Variants in RBM14 observed in about 807,000 individuals in gnomAD.
The protein encoded by RBM14 is RNA binding motif protein 14.
A neutral mutation model predicts 52.8 loss-of-function variants in RBM14; 5 were observed. That is an observed-to-expected ratio of 0.09 (90% CI 0.05 to 0.20). The LOEUF is 0.20. RBM14 is among the 10% of genes least tolerant of loss of function. The pLI is 1.00. For synonymous variants in RBM14, 411 were observed against 401.8 expected (o/e 1.02, Z -0.28); for missense variants, 780 against 926.6 (o/e 0.84, Z 2.05).
In RBM14 at chr11:66,624,433, A is replaced by T; in HGVS notation, c.557A>T (p.Asp186Val). The T allele has an allele frequency of 6.2e-7, 1 of 1,614,068 alleles. No homozygotes were observed. Among genetic ancestry groups the T allele is most frequent in the Non-Finnish European group, 8.5e-7 (1 of 1,179,960 alleles). Residue 186 changes from aspartate (D) to valine (V), a missense_variant, in exon 2 of 3, where the codon GAC becomes GTC. By Grantham distance (152) the Asp-to-Val change is radical. This residue lies in a region of RBM14 where 675 missense variants were observed against 697.3 expected (regional missense o/e 0.97). Coordinates refer to ENST00000310137, the MANE Select transcript of RBM14 (RefSeq NM_006328.4). This position sits in a 1 kb window ranked among gnomAD's most constrained non-coding sequence, Gnocchi z 4.7. The part of the protein sequence containing the change: ...PGTGGFSATF[D>V]YQQAFGNSTG... ...ACTGGTGGCTTCTCTGCCACCTTCG[A>T]CTACCAGCAGGCTTTTGGCAACAGC...
In RBM14 at chr11:66,625,376, C is replaced by T. The variant is rs778362886; in HGVS notation, c.1500C>T (p.Ala500=). ...SAAAATGSYG[A]AAAYGAQPSA... is the part of the protein sequence containing the mutation. ...CTGCGGCCACTGGCTCCTATGGTGCCGCAGCAGCCTACGGGGCCCAACCTT... is the reference window on the plus strand; with the variant it reads ...CTGCGGCCACTGGCTCCTATGGTGCTGCAGCAGCCTACGGGGCCCAACCTT... The change falls in exon 2 of 3, where the codon GCC becomes GCT. Residue 500 remains alanine, a synonymous_variant. Transcript: ENST00000310137. This position sits in a 1 kb window ranked among gnomAD's most constrained non-coding sequence, Gnocchi z 4.2. The T allele has an allele frequency of 1.7e-5, 28 of 1,611,288 alleles. No homozygotes were observed. The Admixed American group carries it at 3.0e-4, about 17-fold the overall frequency.
chr11:66,617,485 A>AAG (rs1858892828), intron 1 of RBM14: 2 of 1,007,898 alleles, frequency 2.0e-6, no homozygotes, highest in East Asian at 1.0e-4. Context: ...GAAGAGGGAA[A>AAG]AGGTGGGGGC....
At position 66,627,930 on chromosome 11, in the gene RBM14, G is replaced by A. The variant is rs1002690589; in HGVS notation, c.*1262G>A. ...TGGCCATAGAGCTCGTATTTTGCCT[G>A]TTGAGCTGTACCATGGAGCATCCTC... On this transcript the variant is annotated 3_prime_UTR_variant, in exon 3 of 3. Transcript: ENST00000310137. Among the ~76,000 whole-genome samples, 29 of 152,176 alleles carry A rather than the reference G, an allele frequency of 1.9e-4. No homozygotes were observed. The highest frequency in any genetic ancestry group is 3.2e-4 in the Non-Finnish European group (22 of 68,040).
chr11:66,616,889 G>T lies in RBM14; in HGVS notation c.169G>T (p.Gly57Cys). ...GALRAIEALHGHELRPGRALV... is the reference protein window; with the variant it reads ...GALRAIEALHCHELRPGRALV... ...GCTGCGCGCCATCGAAGCCCTGCAC[G>T]GCCACGAGCTGCGGCCGGGGCGCGC... The change falls in exon 1 of 3, where the codon GGC (glycine) becomes TGC (cysteine). Residue 57 changes from glycine to cysteine, a missense_variant. This residue lies in a region of RBM14 where 71 missense variants were observed against 119.2 expected (regional missense o/e 0.60). Coordinates refer to ENST00000310137, the MANE Select transcript of RBM14 (RefSeq NM_006328.4). The T allele has an allele frequency of 6.2e-7, 1 of 1,611,654 alleles. No homozygotes were observed. Among genetic ancestry groups the T allele is most frequent in the Non-Finnish European group, 8.5e-7 (1 of 1,179,070 alleles).
At chr11:66,617,919 TG>T (rs1306129137) in intron 1 of RBM14, among the ~76,000 whole-genome samples, 1 of 152,100 alleles carries the variant, frequency 6.6e-6, no homozygotes, top group African/African-American at 2.4e-5. Flanking sequence ...GAGGGGGTCC[TG>T]GGGAGGGGTC....
rs1937923231 is a variant in RBM14 at position 66,628,657 on chromosome 11, A to G, written c.*1989A>G. 6.6e-6 allele frequency among the ~76,000 whole-genome samples: 1 copy of G among 151,864 alleles called. No homozygotes were observed. Among genetic ancestry groups the G allele is most frequent in the African/African-American group, 2.4e-5 (1 of 41,294 alleles). On this transcript the variant is annotated 3_prime_UTR_variant, in exon 3 of 3. Coordinates refer to ENST00000310137, the MANE Select transcript of RBM14 (RefSeq NM_006328.4). ...GAAAGCATGGGAGGAGGATTTTGATAAGTTTCTTGTTCTCTGCGTGGTGAT... is the reference window on the plus strand; with the variant it reads ...GAAAGCATGGGAGGAGGATTTTGATGAGTTTCTTGTTCTCTGCGTGGTGAT...
In RBM14 at chr11:66,626,682, T is replaced by C; in HGVS notation, c.*14T>C. The C allele has an allele frequency of 6.3e-7, 1 of 1,592,284 alleles. No individual in the cohort carries two copies. Among genetic ancestry groups the C allele is most frequent in the Non-Finnish European group, 8.6e-7 (1 of 1,168,998 alleles). On this transcript the variant is annotated 3_prime_UTR_variant, in exon 3 of 3. Coordinates refer to ENST00000310137, the MANE Select transcript of RBM14 (RefSeq NM_006328.4). ...CGCCGCATGTAGGGCCATCCTGGGA[T>C]GGGGCACCACAGGGAGGGAGGGAGA...
rs1355418043 is a variant in RBM14, at chr11:66,629,862, A to AG, written c.*3196dup. 3.3e-5 allele frequency among the ~76,000 whole-genome samples: 5 copies of AG among 151,954 alleles called. No individual in the cohort carries two copies. Among genetic ancestry groups the AG allele is most frequent in the Admixed American group, 1.3e-4 (2 of 15,244 alleles). On this transcript the variant is annotated 3_prime_UTR_variant, in exon 3 of 3. Coordinates refer to ENST00000310137, the MANE Select transcript of RBM14 (RefSeq NM_006328.4). The stretch of plus-strand genomic sequence containing the variant: ...GAATTTGAGGCAAGAGGATTGCTAG[A>AG]GGCCAGGATTTTGAGACCAGCTTCG...
chr11:66,623,621 T>C (rs1032261788), intron 1 of RBM14, among the ~76,000 whole-genome samples: 1 of 152,154 alleles, frequency 6.6e-6, no homozygotes, highest in Non-Finnish European at 1.5e-5. Flanking sequence ...TACCTAAGAG[T>C]GCTTTGAAAA....
In RBM14 at chr11:66,625,764, G is replaced by T. The variant is rs778198282; in HGVS notation, c.1802+86G>T. On this transcript the variant is annotated intron_variant, in intron 2 of 2. Transcript: ENST00000310137. The surrounding 1 kb of genome is among the most constrained non-coding windows in gnomAD (Gnocchi z 4.2). ...GCATGGGAGGGAAACTGGAGGCATC[G>T]GCCCCTCCCTCGGTCTTCTCTTCTC... 5 of 1,055,184 alleles carry T rather than the reference G, an allele frequency of 4.7e-6. No homozygotes were observed. Among genetic ancestry groups the T allele is most frequent in the South Asian group, 1.6e-5 (1 of 64,266 alleles). The allele number at this position is 1,055,184 out of a possible 1,614,324, so 65.4% of individuals were successfully genotyped here. A position where few individuals can be genotyped will look rare whatever the true frequency, so the allele number is the denominator to read the frequency against.
Position 66,624,082 on chromosome 11 carries a change from C to A in RBM14, c.338-132C>A. On this transcript the variant is annotated intron_variant, in intron 1 of 2. Coordinates refer to ENST00000310137, the MANE Select transcript of RBM14 (RefSeq NM_006328.4). This position sits in a 1 kb window ranked among gnomAD's most constrained non-coding sequence, Gnocchi z 4.7. ...GGGAGCTACATTTTATGACATACTC[C>A]TGGAGAGGAGGGTTTGGAGGCCTTG... The A allele has an allele frequency of 6.8e-7, 1 of 1,462,520 alleles. No homozygotes were observed. Among genetic ancestry groups the A allele is most frequent in the Non-Finnish European group, 9.4e-7 (1 of 1,064,346 alleles). 90.6% of individuals were successfully genotyped at this position (1,462,520 alleles called of 1,614,324 possible).
At chr11:66,619,570 C>CT (rs781230095) in intron 1 of RBM14, 245 of 139,798 alleles carry the variant, frequency 1.8e-3, no homozygotes, top group African/African-American at 2.9e-3. Flanking sequence ...TTTTCTTTTT[C>CT]TTTTTTTTTT....
chr11:66,625,196 T>A lies in RBM14; in HGVS notation c.1320T>A (p.Ala440=), dbSNP rs1169537930. ...ATGTGGCACAGCCAGCCACAGCTGCTGCCTATGCCAGCCAGCCAGCAGCCT... is the reference window on the plus strand; with the variant it reads ...ATGTGGCACAGCCAGCCACAGCTGCAGCCTATGCCAGCCAGCCAGCAGCCT... ...AAYVAQPATA[A]AYASQPAAYA... The change falls in exon 2 of 3, where the codon GCT becomes GCA. Residue 440 remains alanine (A), a synonymous_variant. Coordinates refer to ENST00000310137, the MANE Select transcript of RBM14 (RefSeq NM_006328.4). The surrounding 1 kb of genome is among the most constrained non-coding windows in gnomAD (Gnocchi z 4.2). 1 of 1,611,980 alleles carries A rather than the reference T, an allele frequency of 6.2e-7. No individual in the cohort carries two copies. The highest frequency in any genetic ancestry group is 1.7e-5 in the Admixed American group (1 of 59,992).
Position 66,624,560 on chromosome 11 carries a change from T to G in RBM14, c.684T>G (p.Ala228=). 1 of 1,612,776 alleles carries G rather than the reference T, an allele frequency of 6.2e-7. No homozygotes were observed. Among genetic ancestry groups the G allele is most frequent in the Non-Finnish European group, 8.5e-7 (1 of 1,179,998 alleles). Residue 228 remains alanine, a synonymous_variant, in exon 2 of 3, where the codon GCT becomes GCG. Coordinates refer to ENST00000310137, the MANE Select transcript of RBM14 (RefSeq NM_006328.4). The surrounding 1 kb of genome is among the most constrained non-coding windows in gnomAD (Gnocchi z 4.7). ...CACCTCCCCGAGCCTCTTATGTGGC[T>G]CCTCTGACGGCCCAGCCAGCTACCT... ...RRSPPRASYV[A]PLTAQPATYR... is the part of the protein sequence containing the mutation.
rs200257621 is a variant in RBM14, at chr11:66,616,880, G to A, written c.160G>A (p.Ala54Thr). 1.2e-6 allele frequency: 2 copies of A among 1,611,976 alleles called. No individual in the cohort carries two copies. The highest frequency in any genetic ancestry group is 2.2e-5 in the East Asian group (1 of 44,840). Reference sequence around the variant, plus strand: ...CGCGGGCGCGCTGCGCGCCATCGAAGCCCTGCACGGCCACGAGCTGCGGCC... The same window carrying A: ...CGCGGGCGCGCTGCGCGCCATCGAAACCCTGCACGGCCACGAGCTGCGGCC... The part of the protein sequence containing the change: ...ENAGALRAIE[A>T]LHGHELRPGR... The change falls in exon 1 of 3, where the codon GCC (alanine) becomes ACC (threonine). Residue 54 changes from alanine to threonine, a missense_variant. Physicochemically the swap from Ala to Thr is moderately conservative, Grantham distance 58 (BLOSUM62 0). This residue lies in a region of RBM14 where 71 missense variants were observed against 119.2 expected (regional missense o/e 0.60). Transcript: ENST00000310137.
chr11:66,625,658 G>A lies in RBM14; in HGVS notation c.1782G>A (p.Lys594=). The A allele has an allele frequency of 1.9e-6, 3 of 1,611,572 alleles. No individual in the cohort carries two copies. The highest frequency in any genetic ancestry group is 2.5e-6 in the Non-Finnish European group (3 of 1,179,846). ...CCAGCTACGACGATCCCTACAAAAA[G>A]GCTGTCGCCATGTCGAAAAGGTACT... ...PRASYDDPYK[K]AVAMSKRYGS... The change falls in exon 2 of 3, where the codon AAG becomes AAA. Residue 594 remains lysine, a synonymous_variant. Transcript: ENST00000310137. The surrounding 1 kb of genome is among the most constrained non-coding windows in gnomAD (Gnocchi z 4.2).
Position 66,616,930 on chromosome 11 carries a change from G to A in RBM14, c.210G>A (p.Met70Ile). The A allele has an allele frequency of 1.2e-6, 2 of 1,612,004 alleles. No homozygotes were observed. Among genetic ancestry groups the A allele is most frequent in the Non-Finnish European group, 1.7e-6 (2 of 1,179,396 alleles). The change falls in exon 1 of 3, where the codon ATG becomes ATA. Residue 70 changes from methionine (M) to isoleucine (I), a missense_variant. By Grantham distance (10) the Met-to-Ile change is conservative (BLOSUM62 1). Around this residue, in one of 4 missense-constraint regions of RBM14, gnomAD observed 71 missense variants for 119.2 expected, o/e 0.60. Transcript: ENST00000310137. ...LRPGRALVVEMSRPRPLNTWK... is the reference protein window; with the variant it reads ...LRPGRALVVEISRPRPLNTWK... The stretch of plus-strand genomic sequence containing the variant: ...CGGGGCGCGCGCTCGTGGTGGAGAT[G>A]TCGCGCCCAAGGCCTCTTAATACTT...
At chr11:66,619,771 T>G (rs1859018117) in intron 1 of RBM14, among the ~76,000 whole-genome samples, 1 of 152,178 alleles carries the variant, frequency 6.6e-6, no homozygotes, top group Non-Finnish European at 1.5e-5. Context: ...TTTCACTGTG[T>G]TAGCCAGGAT....
chr11:66,625,342 A>C lies in RBM14; in HGVS notation c.1466A>C (p.Gln489Pro). 2 of 1,607,430 alleles carry C rather than the reference A, an allele frequency of 1.2e-6. No individual in the cohort carries two copies. Among genetic ancestry groups the C allele is most frequent in the Non-Finnish European group, 8.5e-7 (1 of 1,177,932 alleles). ...GGCCTTTCAGGCTCCTATGGGGCTC[A>C]GTCGGCTGCTGCGGCCACTGGCTCC... ...SMGLSGSYGAQSAAAATGSYG... is the reference protein window; with the variant it reads ...SMGLSGSYGAPSAAAATGSYG... The change falls in exon 2 of 3, where the codon CAG becomes CCG. Residue 489 changes from glutamine (Q) to proline (P), a missense_variant. Physicochemically the swap from Gln to Pro is moderately conservative, Grantham distance 76. Transcript: ENST00000310137. The surrounding 1 kb of genome is among the most constrained non-coding windows in gnomAD (Gnocchi z 4.2).
Sources: gnomAD v4.1 joint callset for allele counts (sites outside exome capture counted in the v4.1 genomes callset) on GRCh38, gnomAD v4.1.1 for gene constraint, gnomAD v4.1.1 regional missense constraint, Gnocchi (gnomAD v3.1) non-coding constraint, MANE v1.5 for transcripts, NCBI Gene and HGNC (gene_info 2026-07-23, HGNC 2026-07-21) for gene names.